Variants in TMEM161B observed in about 807,000 individuals in gnomAD.
The protein encoded by TMEM161B is transmembrane protein 161B.
A neutral mutation model predicts 61.8 loss-of-function variants in TMEM161B; 34 were observed. That is an observed-to-expected ratio of 0.55 (90% CI 0.42 to 0.73). TMEM161B has a LOEUF of 0.73. Among genes scored for constraint, TMEM161B ranks in the 30% least tolerant of loss-of-function variants. The probability of loss-of-function intolerance (pLI) is 0.00; values close to 1 mark genes in which losing one functional copy is unlikely to be tolerated. For synonymous variants in TMEM161B, 167 were observed against 192.8 expected (o/e 0.87, Z 1.11); for missense variants, 456 against 558.5 (o/e 0.82, Z 1.85).
downstream of TMEM161B, among the ~76,000 whole-genome samples, chr5:88,186,527 G>A (rs1748364784): frequency 1.3e-5 from 2 of 151,804 alleles, no homozygotes; most frequent in African/African-American, 2.4e-5. Context: ...CCTGATTCCA[G>A]TCTTTTGTCT....
Position 88,196,386 on chromosome 5 carries a change from C to A in TMEM161B, c.1289G>T (p.Gly430Val). The change falls in exon 12 of 12, where the codon GGG becomes GTG. Residue 430 changes from glycine (G) to valine (V), a missense_variant. Physicochemically the swap from Gly to Val is moderately radical, Grantham distance 109. Transcript: ENST00000296595. The stretch of plus-strand genomic sequence containing the variant: ...TTGTGTAACAGTTACCTTCATTTTC[C>A]CTTCAGCTGATGGTAATTCAGAGTA... ...SVYSELPSAE[G>V]KMKVTVTQIT... 6.2e-7 allele frequency: 1 copy of A among 1,613,270 alleles called. No homozygotes were observed. The highest frequency in any genetic ancestry group is 8.5e-7 in the Non-Finnish European group (1 of 1,179,520).
chr5:88,245,199 A>G lies in TMEM161B; in HGVS notation c.4-4283T>C, dbSNP rs554503429. Among the ~76,000 whole-genome samples, 5 of 152,024 alleles carry G rather than the reference A, an allele frequency of 3.3e-5. No individual in the cohort carries two copies. The South Asian group carries it at 1.0e-3, about 32-fold the overall frequency. ...TGGATATTTTAATGTCTTAAACTCT[A>G]TCAACTAGGTTAAAGTTCAGTTCAT... On this transcript the variant is annotated intron_variant, in intron 1 of 11. Transcript: ENST00000296595.
chr5:88,261,859 C>CT (rs2112780659), intron 1 of TMEM161B, among the ~76,000 whole-genome samples: 1 of 151,988 alleles, frequency 6.6e-6, no homozygotes, highest in Non-Finnish European at 1.5e-5. Flanking sequence ...ACATAGATGG[C>CT]TGTGGACAAG....
At chr5:88,215,735 G>A (rs953716773) in intron 5 of TMEM161B, among the ~76,000 whole-genome samples, 3 of 152,168 alleles carry the variant, frequency 2.0e-5, no homozygotes, top group Admixed American at 6.5e-5. Flanking sequence ...CAGTGCTAAA[G>A]GCTGTGTGGG....
chr5:88,198,484 C>T (rs1324454554), intron 10 of TMEM161B: 1 of 151,956 alleles, frequency 6.6e-6, no homozygotes, highest in African/African-American at 2.4e-5. Context: ...AACCACCTCT[C>T]TTAAAAAAAG....
At chr5:88,251,232 T>C (rs987479566) in intron 1 of TMEM161B, among the ~76,000 whole-genome samples, 8 of 152,068 alleles carry the variant, frequency 5.3e-5, no homozygotes, top group Admixed American at 2.6e-4. Flanking sequence ...TCATGAATCA[T>C]GGGTCTGCAT....
At chr5:88,188,088 T>A (rs954259027), downstream of TMEM161B, among the ~76,000 whole-genome samples, 4 of 152,146 alleles carry the variant, frequency 2.6e-5, no homozygotes, top group East Asian at 7.7e-4. Flanking sequence ...CAGAAAACAT[T>A]ACAAATGATT....
intron 5 of TMEM161B, among the ~76,000 whole-genome samples, chr5:88,213,785 T>A (rs1048871204): frequency 6.6e-6 from 1 of 152,166 alleles, no homozygotes; most frequent in African/African-American, 2.4e-5. Context: ...AATCTCCATG[T>A]TCATACAACA....
intron 8 of TMEM161B, among the ~76,000 whole-genome samples, chr5:88,204,766 A>G (rs947079666): frequency 1.3e-5 from 2 of 151,944 alleles, no homozygotes; most frequent in African/African-American, 4.8e-5. Flanking sequence ...AAAAAAAAAG[A>G]AGAGGGATGA....
chr5:88,250,193 AAGAGAGAG>A (rs375218954), intron 1 of TMEM161B, among the ~76,000 whole-genome samples: 13 of 148,454 alleles, frequency 8.8e-5, no homozygotes, highest in African/African-American at 2.7e-4. Flanking sequence ...AAGAGAGAGA[AAGAGAGAG>A]AGAGAGAGAG....
At chr5:88,190,016 G>C (rs187034321) in exon 13 of TMEM161B, 1 of 699,198 alleles carries the variant, frequency 1.4e-6, no homozygotes, top group Admixed American at 2.0e-5. Context: ...TATCTGAGCC[G>C]ATCCGTAAGG....
rs5869420 is a variant in TMEM161B, at chr5:88,217,905, GAA to G, written c.446+2656_446+2657del. Among the ~76,000 whole-genome samples the G allele has an allele frequency of 5.2e-3, 697 of 134,022 alleles. 4 individuals carry two copies. Among genetic ancestry groups the G allele is most frequent in the Admixed American group, 8.5e-3 (115 of 13,526 alleles). 87.9% of individuals were successfully genotyped at this position (134,022 alleles called of 152,430 possible). A position where few individuals can be genotyped will look rare whatever the true frequency, so the allele number is the denominator to read the frequency against. On this transcript the variant is annotated intron_variant, in intron 5 of 11. Transcript: ENST00000296595. ...ACTCAGAGTAAAAAGATACTAGGCA[GAA>G]AAAAAAAAAAAAACCTTAACAAAAT... is the stretch of plus-strand genomic sequence containing the variant.
At chr5:88,213,150 A>C (rs994633847) in intron 5 of TMEM161B, among the ~76,000 whole-genome samples, 16 of 152,156 alleles carry the variant, frequency 1.1e-4, no homozygotes, top group African/African-American at 3.9e-4. Context: ...AAATACTCAA[A>C]ATATATTATA....
intron 1 of TMEM161B, among the ~76,000 whole-genome samples, chr5:88,259,651 C>T (rs1211450090): frequency 1.3e-5 from 2 of 152,152 alleles, no homozygotes; most frequent in Non-Finnish European, 2.9e-5. Context: ...ATGAAAGAAT[C>T]TTATGACTTA....
At chr5:88,199,211 A>C in intron 9 of TMEM161B, 61 bp from the exon 10 acceptor site, 4 of 1,490,538 alleles carry the variant, frequency 2.7e-6, no homozygotes, top group Non-Finnish European at 3.6e-6. Context: ...CATGCTCGTT[A>C]TATGTTAATG....
At chr5:88,198,780 A>C (rs1750144811) in intron 10 of TMEM161B, 196 bp downstream of exon 10, 1 of 544,976 alleles carries the variant, frequency 1.8e-6, no homozygotes, top group Non-Finnish European at 3.2e-6. Flanking sequence ...TTAAGGCAGG[A>C]AGAGGAATTA....
At position 88,189,751 on chromosome 5, in the gene TMEM161B, G is replaced by T. The variant is rs1258062427; in HGVS notation, c.*301C>A. ...CCCCACAATATGGGAGGGGGCCTAT[G>T]ATATAGTATTTTATAAGGGGAATAT... On this transcript the variant is annotated 3_prime_UTR_variant, in exon 13 of 13. Coordinates refer to the TMEM161B transcript ENST00000514135. The T allele has an allele frequency of 2.7e-5, 7 of 256,090 alleles. No individual in the cohort carries two copies. In the East Asian group the frequency reaches 5.7e-4, roughly 21 times the overall value. 15.9% of individuals were successfully genotyped at this position (256,090 alleles called of 1,614,324 possible).
chr5:88,208,785 G>GT (rs1746103265), intron 5 of TMEM161B, among the ~76,000 whole-genome samples: 1 of 152,174 alleles, frequency 6.6e-6, no homozygotes, highest in South Asian at 2.1e-4. Flanking sequence ...ATCTGTGCAC[G>GT]TAACTATTGA....
Position 88,224,959 on chromosome 5 carries a change from G to GTTTTTT in TMEM161B, c.289+809_289+810insAAAAAA, listed in dbSNP as rs202011902. On this transcript the variant is annotated intron_variant, in intron 4 of 11. Transcript: ENST00000296595. ...ATAATACACATAACACACAAAATAT[G>GTTTTTT]TTTTTGTTTTTTTTTTTTTTTTTTT... is the stretch of plus-strand genomic sequence containing the variant. Among the ~76,000 whole-genome samples, 94 of 101,184 alleles carry GTTTTTT rather than the reference G, an allele frequency of 9.3e-4. 7 individuals carry two copies. Among genetic ancestry groups the GTTTTTT allele is most frequent in the Admixed American group, 1.0e-3 (8 of 7,838 alleles). The allele number at this position is 101,184 out of a possible 152,430, so 66.4% of individuals were successfully genotyped here. A position where few individuals can be genotyped will look rare whatever the true frequency, so the allele number is the denominator to read the frequency against.
Sources: gnomAD v4.1 joint callset for allele counts (sites outside exome capture counted in the v4.1 genomes callset) on GRCh38, gnomAD v4.1.1 for gene constraint, MANE v1.5 for transcripts, NCBI Gene and HGNC (gene_info 2026-07-23, HGNC 2026-07-21) for gene names.